Variants in SLC43A2 observed in about 807,000 individuals in gnomAD.
SLC43A2 encodes large neutral amino acids transporter small subunit 4.
In SLC43A2, 38 loss-of-function variants were observed where a neutral mutation model predicts 63.2. The ratio of observed to expected loss-of-function variants is 0.60; its 90% CI spans 0.46 to 0.79. SLC43A2 has a LOEUF of 0.79. Among genes scored for constraint, SLC43A2 ranks in the 30% least tolerant of loss-of-function variants. SLC43A2 has a pLI of 0.00. For synonymous variants in SLC43A2, 322 were observed against 331.0 expected (o/e 0.97, Z 0.30); for missense variants, 644 against 756.2 (o/e 0.85, Z 1.74).
At chr17:1,588,767 C>T (rs1904461104) in intron 9 of SLC43A2, among the ~76,000 whole-genome samples, 1 of 151,726 alleles carries the variant, frequency 6.6e-6, no homozygotes, top group South Asian at 2.1e-4. Context: ...TAGGGTTTCC[C>T]TGAATCCGCA....
In SLC43A2 at chr17:1,594,072, G is replaced by A. The variant is rs186683850; in HGVS notation, c.502-793C>T. 2.5e-3 allele frequency among the ~76,000 whole-genome samples: 373 copies of A among 152,152 alleles called. 1 individual carries two copies. The highest frequency in any genetic ancestry group is 8.5e-3 in the African/African-American group (355 of 41,524). On this transcript the variant is annotated intron_variant, in intron 5 of 13. Transcript: ENST00000301335. The stretch of plus-strand genomic sequence containing the variant: ...CAGGCTGATCTCAAGTGATCCGCCC[G>A]CCTCGGCCTCCCAAAGTGCTGGGAC...
chr17:1,584,417 C>T (rs913891196), intron 10 of SLC43A2, among the ~76,000 whole-genome samples: 6 of 152,244 alleles, frequency 3.9e-5, no homozygotes, highest in Admixed American at 3.3e-4. Flanking sequence ...CCCCACTTCG[C>T]CAGGGTGCTG....
intron 2 of SLC43A2, among the ~76,000 whole-genome samples, chr17:1,624,133 G>C (rs1266009307): frequency 6.6e-6 from 1 of 152,252 alleles, no homozygotes; most frequent in Non-Finnish European, 1.5e-5. Flanking sequence ...ACAAGAAAGA[G>C]GGGATTAACG....
At chr17:1,604,927 A>AAGCCGCGGTGCCGGAGTGAGGGCTG in intron 5 of SLC43A2, 2 of 1,524,378 alleles carry the variant, frequency 1.3e-6, no homozygotes, top group Non-Finnish European at 1.8e-6. Context: ...TGGCTGTTCG[A>AAGCCGCGGTGCCGGAGTGAGGGCTG]AGCCGCGGTG....
At chr17:1,594,803 T>G (rs557204176) in intron 5 of SLC43A2, among the ~76,000 whole-genome samples, 1 of 151,662 alleles carries the variant, frequency 6.6e-6, no homozygotes, top group Non-Finnish European at 1.5e-5. Flanking sequence ...TTAGCCAGGA[T>G]GGTCTGGATC....
rs1354833965 is a variant in SLC43A2, at chr17:1,576,597, C to A, written c.1548G>T (p.Trp516Cys). Residue 516 changes from tryptophan to cysteine, a missense_variant and splice_region_variant, in exon 13 of 14, where the codon TGG becomes TGT. By Grantham distance (215) the Trp-to-Cys change is radical. Coordinates refer to ENST00000301335, the MANE Select transcript of SLC43A2 (RefSeq NM_152346.3). The part of the protein sequence containing the change: ...MMGPLQGDPL[W>C]VNVGLLLLSL... The stretch of plus-strand genomic sequence containing the variant: ...CCCACCATCCCCCGACCCCTCTTAC[C>A]CACAGAGGGTCTCCCTGGAGAGGAC... 1.2e-6 allele frequency: 2 copies of A among 1,604,348 alleles called. No individual in the cohort carries two copies. The highest frequency in any genetic ancestry group is 3.4e-5 in the Admixed American group (2 of 59,200).
At chr17:1,618,332 C>T (rs1207950969) in intron 2 of SLC43A2, among the ~76,000 whole-genome samples, 1 of 152,198 alleles carries the variant, frequency 6.6e-6, no homozygotes, top group Admixed American at 6.5e-5. Context: ...TGATAAGATC[C>T]ACCTCCTAGA....
At position 1,593,067 on chromosome 17, in the gene SLC43A2, G is replaced by T; in HGVS notation, c.594+120C>A. On this transcript the variant is annotated intron_variant, in intron 6 of 13. Transcript: ENST00000301335. This position sits in a 1 kb window ranked among gnomAD's most constrained non-coding sequence, Gnocchi z 5.3. ...GTGATGCCCAGGTGCATCCTGCCCG[G>T]GTGGGGGTGGTGGAGAGGGGCCACC... 1.1e-6 allele frequency: 1 copy of T among 875,124 alleles called. No homozygotes were observed. Among genetic ancestry groups the T allele is most frequent in the Non-Finnish European group, 1.8e-6 (1 of 544,594 alleles). 54.2% of individuals were successfully genotyped at this position (875,124 alleles called of 1,614,324 possible).
rs2075971202 is a variant in SLC43A2 at position 1,578,835 on chromosome 17, G to C, written c.1351-512C>G. The C allele has an allele frequency of 6.8e-6, 1 of 147,214 alleles. No homozygotes were observed. The highest frequency in any genetic ancestry group is 1.5e-5 in the Non-Finnish European group (1 of 66,802). The allele number at this position is 147,214 out of a possible 1,614,324, so 9.1% of individuals were successfully genotyped here. A position where few individuals can be genotyped will look rare whatever the true frequency, so the allele number is the denominator to read the frequency against. Reference sequence around the variant, plus strand: ...GAGCCACTGCGCCCAGCCTAACCGAGTCATTATTAAAAATTAAATTATAGG... The same window carrying C: ...GAGCCACTGCGCCCAGCCTAACCGACTCATTATTAAAAATTAAATTATAGG... On this transcript the variant is annotated intron_variant, in intron 11 of 13. Coordinates refer to ENST00000301335, the MANE Select transcript of SLC43A2 (RefSeq NM_152346.3). This position sits in a 1 kb window ranked among gnomAD's most constrained non-coding sequence, Gnocchi z 6.5.
intron 5 of SLC43A2, among the ~76,000 whole-genome samples, chr17:1,594,719 C>T (rs1230329748): frequency 6.7e-6 from 1 of 149,742 alleles, no homozygotes; most frequent in Non-Finnish European, 1.5e-5. Context: ...TCCCGTGTAG[C>T]TGGGACTATA....
chr17:1,576,828 G>A, intron 12 of SLC43A2, 108 bp from the exon 13 acceptor site: 1 of 1,377,802 alleles, frequency 7.3e-7, no homozygotes, highest in Non-Finnish European at 9.7e-7. Flanking sequence ...AGGGTGGGGT[G>A]CCAGCCCTCG....
In SLC43A2 at chr17:1,575,649, G is replaced by A. The variant is rs748648285; in HGVS notation, c.1665C>T (p.Leu555=). Residue 555 remains leucine (L), a synonymous_variant, in exon 14 of 14, where the codon CTC becomes CTT. Coordinates refer to ENST00000301335, the MANE Select transcript of SLC43A2 (RefSeq NM_152346.3). ...TGGACGAGCCGTTGATTTTGAGGAA[G>A]AGTTTGTCATCCTCCTGCCTCTGCT... is the stretch of plus-strand genomic sequence containing the variant. ...QLQQRQEDDK[L]FLKINGSSNQ... 1 of 1,614,172 alleles carries A rather than the reference G, an allele frequency of 6.2e-7. No homozygotes were observed. The highest frequency in any genetic ancestry group is 8.5e-7 in the Non-Finnish European group (1 of 1,180,018).
At chr17:1,608,402 T>C (rs1906804132) in intron 5 of SLC43A2, among the ~76,000 whole-genome samples, 2 of 150,744 alleles carry the variant, frequency 1.3e-5, no homozygotes, top group South Asian at 4.2e-4. Flanking sequence ...TGTGTTTTGT[T>C]TTTTTTTTTA....
intron 5 of SLC43A2, among the ~76,000 whole-genome samples, chr17:1,599,196 C>T (rs925898348): frequency 3.4e-4 from 52 of 151,274 alleles, no homozygotes; most frequent in African/African-American, 1.2e-3. Context: ...AAAAATTAGC[C>T]GGGTGTGGCG....
chr17:1,585,821 T>C (rs1220580418), intron 10 of SLC43A2, 92 bp downstream of exon 10: 2 of 1,605,996 alleles, frequency 1.2e-6, no homozygotes, highest in Non-Finnish European at 1.7e-6. Context: ...TCTCTCCCTC[T>C]GTCCCACCCA....
rs2075868288 is a variant in SLC43A2, at chr17:1,572,948, G to T, written c.*2656C>A. 6.6e-6 allele frequency: 1 copy of T among 152,142 alleles called. No homozygotes were observed. The highest frequency in any genetic ancestry group is 2.1e-4 in the South Asian group (1 of 4,830). The allele number at this position is 152,142 out of a possible 1,614,324, so 9.4% of individuals were successfully genotyped here. A position where few individuals can be genotyped will look rare whatever the true frequency, so the allele number is the denominator to read the frequency against. On this transcript the variant is annotated 3_prime_UTR_variant, in exon 14 of 14. Transcript: ENST00000301335. ...AGCACTTTGGGAGGCTGAGGTGGGA[G>T]AATTGCTTCAGCCCAGGAGTTCCAG...
At chr17:1,618,137 G>C (rs1907847106) in intron 2 of SLC43A2, among the ~76,000 whole-genome samples, 1 of 152,246 alleles carries the variant, frequency 6.6e-6, no homozygotes, top group Non-Finnish European at 1.5e-5. Context: ...TTACTGGAAA[G>C]GATGCGCACA....
At chr17:1,611,229 G>C (rs1907073369) in intron 5 of SLC43A2, among the ~76,000 whole-genome samples, 1 of 152,172 alleles carries the variant, frequency 6.6e-6, no homozygotes, top group Non-Finnish European at 1.5e-5. Context: ...TCAAGCTCAA[G>C]GACCATCTCG....
rs145602405 is a variant in SLC43A2 at position 1,617,927 on chromosome 17, G to A, written c.161-1158C>T. Among the ~76,000 whole-genome samples, 265 of 152,320 alleles carry A rather than the reference G, an allele frequency of 1.7e-3. 1 individual carries two copies. The highest frequency in any genetic ancestry group is 6.8e-3 in the Middle Eastern group (2 of 294). On this transcript the variant is annotated intron_variant, in intron 2 of 13. Coordinates refer to ENST00000301335, the MANE Select transcript of SLC43A2 (RefSeq NM_152346.3). ...CGTGGCTGAGGAGCTCTCCTGGCCG[G>A]GACTGCTAGTTAAGAGATGCTGACT...
Sources: allele counts gnomAD v4.1 joint callset (sites outside exome capture counted in the v4.1 genomes callset), GRCh38; gene constraint gnomAD v4.1.1; non-coding constraint Gnocchi (gnomAD v3.1); transcripts MANE v1.5; gene names NCBI Gene and HGNC (gene_info 2026-07-23, HGNC 2026-07-21).